GNA14: variants seen among roughly 807,000 people sequenced by gnomAD.
The protein encoded by GNA14 is G protein subunit alpha 14, also known as guanine nucleotide-binding protein subunit alpha-14.
In GNA14, 50 loss-of-function variants were observed where a neutral mutation model predicts 42.0. The observed-to-expected ratio is 1.19, with a 90% CI of 0.95 to 1.51. GNA14 has a LOEUF of 1.51. GNA14 is among the 40% of genes most tolerant of loss of function. The probability of loss-of-function intolerance (pLI) is 0.00; values close to 1 mark genes in which losing one functional copy is unlikely to be tolerated. For missense variants in GNA14, 473 were observed against 446.2 expected, an observed-to-expected ratio of 1.06 and a Z score of -0.54; for synonymous variants, 173 against 163.1, an observed-to-expected ratio of 1.06 and a Z score of -0.46.
At chr9:77,594,857 T>C (rs752056548) in intron 1 of GNA14, among the ~76,000 whole-genome samples, 5 of 152,222 alleles carry the variant, frequency 3.3e-5, no homozygotes, top group African/African-American at 1.2e-4. Flanking sequence ...AATAAGTCCA[T>C]GCTCACTCTA....
intron 2 of GNA14, among the ~76,000 whole-genome samples, chr9:77,498,855 C>T (rs1434562719): frequency 1.3e-5 from 2 of 152,172 alleles, no homozygotes; most frequent in Admixed American, 1.3e-4. Flanking sequence ...AAAACCTACA[C>T]CCCAGGCAGT....
intron 1 of GNA14, among the ~76,000 whole-genome samples, chr9:77,617,711 C>G (rs997658124): frequency 6.6e-6 from 1 of 152,100 alleles, no homozygotes; most frequent in Non-Finnish European, 1.5e-5. Context: ...GCCTATCACT[C>G]TCTCTCTTGC....
intron 1 of GNA14, among the ~76,000 whole-genome samples, chr9:77,584,548 G>C (rs1823272168): frequency 7.1e-6 from 1 of 140,890 alleles, no homozygotes; most frequent in Admixed American, 7.6e-5. Flanking sequence ...TTCAGCTGAA[G>C]TGGTAGCAGG....
intron 2 of GNA14, among the ~76,000 whole-genome samples, chr9:77,469,043 C>T (rs1351473996): frequency 6.6e-6 from 1 of 152,174 alleles, no homozygotes; most frequent in Non-Finnish European, 1.5e-5. Context: ...TTCCTTAGCA[C>T]GTCCACAAGG....
chr9:77,622,535 G>T (rs1046990392), intron 1 of GNA14, among the ~76,000 whole-genome samples: 5 of 149,986 alleles, frequency 3.3e-5, no homozygotes, highest in Non-Finnish European at 5.9e-5. Context: ...TTGGGAGGCC[G>T]AGTTGGGCGG....
intron 2 of GNA14, among the ~76,000 whole-genome samples, chr9:77,479,379 T>C (rs551289806): frequency 6.6e-6 from 1 of 152,294 alleles, no homozygotes; most frequent in East Asian, 1.9e-4. Flanking sequence ...TCCATTGATC[T>C]ATATCTCTGT....
intron 2 of GNA14, among the ~76,000 whole-genome samples, chr9:77,522,888 C>T (rs535862782): frequency 6.6e-6 from 1 of 152,288 alleles, no homozygotes; most frequent in East Asian, 1.9e-4. Flanking sequence ...ATCCACTTAC[C>T]CAAGTGTAGG....
Position 77,502,871 on chromosome 9 carries a change from T to C in GNA14, c.309+26198A>G, listed in dbSNP as rs1400690236. 2.6e-5 allele frequency among the ~76,000 whole-genome samples: 4 copies of C among 152,256 alleles called. No individual in the cohort carries two copies. The East Asian group carries it at 7.7e-4, about 29-fold the overall frequency. Reference sequence around the variant, plus strand: ...AAAGCAGGGTGGCTATTGCTTAAACTTTGTCTGTCTTCTAGCTTGTCCTTT... The same window carrying C: ...AAAGCAGGGTGGCTATTGCTTAAACCTTGTCTGTCTTCTAGCTTGTCCTTT... On this transcript the variant is annotated intron_variant, in intron 2 of 6. Transcript: ENST00000341700.
At chr9:77,480,980 T>C (rs893550158) in intron 2 of GNA14, among the ~76,000 whole-genome samples, 4 of 152,312 alleles carry the variant, frequency 2.6e-5, no homozygotes, top group African/African-American at 9.6e-5. Flanking sequence ...TCAATTTTGT[T>C]GATCTTTTCA....
At chr9:77,637,405 T>C (rs111924623) in intron 1 of GNA14, among the ~76,000 whole-genome samples, 2,607 of 152,254 alleles carry the variant, frequency 0.017, 89 homozygotes, top group African/African-American at 0.059. Context: ...GCAGTGGCCA[T>C]TGAGAAGATG....
chr9:77,568,937 C>A (rs200649368), intron 1 of GNA14, among the ~76,000 whole-genome samples: 2 of 152,158 alleles, frequency 1.3e-5, no homozygotes, highest in African/African-American at 4.8e-5. Context: ...TGTCATGCCA[C>A]GTCTGAGATC....
intron 1 of GNA14, among the ~76,000 whole-genome samples, chr9:77,625,364 C>G (rs1367519465): frequency 6.6e-6 from 1 of 152,084 alleles, no homozygotes; most frequent in Non-Finnish European, 1.5e-5. Context: ...CCTAGCAAGA[C>G]AGGCCAACAT....
At chr9:77,438,715 C>G (rs1022698164) in intron 2 of GNA14, among the ~76,000 whole-genome samples, 2 of 152,182 alleles carry the variant, frequency 1.3e-5, no homozygotes, top group East Asian at 3.8e-4. Flanking sequence ...TTCATCCTTT[C>G]TCCCTCCATG....
intron 2 of GNA14, among the ~76,000 whole-genome samples, chr9:77,476,349 G>C (rs147743942): frequency 6.6e-6 from 1 of 152,102 alleles, no homozygotes; most frequent in East Asian, 1.9e-4. Flanking sequence ...AGGGGGAGGC[G>C]CCCTGAGAGC....
intron 1 of GNA14, among the ~76,000 whole-genome samples, chr9:77,591,913 TTTTGG>T (rs1419058711): frequency 1.7e-5 from 2 of 119,120 alleles, no homozygotes; most frequent in African/African-American, 6.5e-5. Flanking sequence ...GTTTTTTGTT[TTTTGG>T]TTTTTTTTTT....
At chr9:77,645,002 G>A (rs1824331539) in intron 1 of GNA14, among the ~76,000 whole-genome samples, 1 of 152,172 alleles carries the variant, frequency 6.6e-6, no homozygotes, top group Middle Eastern at 3.2e-3. Flanking sequence ...TGATGAGAAA[G>A]TGTCACACCA....
chr9:77,621,734 T>A (rs1823926383), intron 1 of GNA14, among the ~76,000 whole-genome samples: 1 of 152,220 alleles, frequency 6.6e-6, no homozygotes, highest in Non-Finnish European at 1.5e-5. Flanking sequence ...TACAATTCCA[T>A]ATCAACAAAT....
chr9:77,589,678 C>A (rs1000185824), intron 1 of GNA14, among the ~76,000 whole-genome samples: 2 of 152,154 alleles, frequency 1.3e-5, no homozygotes, highest in African/African-American at 4.8e-5. Context: ...AGTGGGTAAA[C>A]CGCAGGTTGC....
intron 1 of GNA14, among the ~76,000 whole-genome samples, chr9:77,590,879 C>T (rs1032494406): frequency 6.6e-6 from 1 of 152,126 alleles, no homozygotes. Flanking sequence ...GTAAGGATGA[C>T]ATGTCACACA....
Sources: allele counts gnomAD v4.1 joint callset (sites outside exome capture counted in the v4.1 genomes callset), GRCh38; gene constraint gnomAD v4.1.1; transcripts MANE v1.5; gene names NCBI Gene and HGNC (gene_info 2026-07-23, HGNC 2026-07-21).